ADGRB3: variants seen among roughly 807,000 people sequenced by gnomAD.
ADGRB3 encodes adhesion G protein-coupled receptor B3.
ADGRB3 carries 37 observed loss-of-function variants against 193.4 expected under a neutral mutation model. The ratio of observed to expected loss-of-function variants is 0.19; its 90% CI spans 0.15 to 0.25. ADGRB3 has a LOEUF of 0.25. Among genes scored for constraint, ADGRB3 ranks in the 10% least tolerant of loss-of-function variants. The pLI, the probability that ADGRB3 is intolerant of heterozygous loss-of-function variation, is 1.00. For synonymous variants in ADGRB3, 690 were observed against 644.2 expected (o/e 1.07, Z -1.08); for missense variants, 1,637 against 1,852.9 (o/e 0.88, Z 2.14).
intron 29 of ADGRB3, among the ~76,000 whole-genome samples, chr6:69,362,188 A>T (rs1769468347): frequency 6.6e-6 from 1 of 151,932 alleles, no homozygotes; most frequent in South Asian, 2.1e-4. Flanking sequence ...TTTTGTTTTC[A>T]TAAGGCCACC....
chr6:68,769,447 C>A (rs538309519), intron 3 of ADGRB3, among the ~76,000 whole-genome samples: 1 of 152,216 alleles, frequency 6.6e-6, no homozygotes, highest in South Asian at 2.1e-4. Context: ...AACAGAAAAC[C>A]AAACACCGCT....
At chr6:69,300,227 A>T (rs534026301) in intron 20 of ADGRB3, among the ~76,000 whole-genome samples, 9 of 152,050 alleles carry the variant, frequency 5.9e-5, no homozygotes, top group Middle Eastern at 3.4e-3. Flanking sequence ...CTATATGATC[A>T]TCTCAATAGA....
chr6:68,718,459 G>C (rs1466805843), intron 3 of ADGRB3, among the ~76,000 whole-genome samples: 1 of 151,728 alleles, frequency 6.6e-6, no homozygotes, highest in Non-Finnish European at 1.5e-5. Flanking sequence ...ATATGTTCTA[G>C]TGCCTCTGTC....
At chr6:68,768,795 G>T (rs1283428571) in intron 3 of ADGRB3, among the ~76,000 whole-genome samples, 1 of 151,512 alleles carries the variant, frequency 6.6e-6, no homozygotes, top group Non-Finnish European at 1.5e-5. Flanking sequence ...CTATCCATCT[G>T]ACAAAGGGCT....
chr6:69,072,917 AGAG>A (rs1455127253), intron 16 of ADGRB3, among the ~76,000 whole-genome samples: 3 of 152,226 alleles, frequency 2.0e-5, no homozygotes, highest in Non-Finnish European at 4.4e-5. Flanking sequence ...CTTATAAGAT[AGAG>A]AAGAAACCAA....
chr6:68,906,969 G>A (rs1369574990), intron 3 of ADGRB3, among the ~76,000 whole-genome samples: 2 of 151,582 alleles, frequency 1.3e-5, no homozygotes, highest in Non-Finnish European at 3.0e-5. Context: ...TTTTTATCCT[G>A]CCACTTAACT....
rs545635389 is a variant in ADGRB3, at chr6:69,210,279, G to C, written c.2481-23011G>C. Among the ~76,000 whole-genome samples the C allele has an allele frequency of 4.0e-5, 6 of 150,652 alleles. 1 individual carries two copies. The South Asian group carries it at 1.3e-3, about 32-fold the overall frequency. ...TTGAGTTCCAAAACTGAAGAACTTG[G>C]AGTCTGATGTTCAAGGGCAGGGAGC... On this transcript the variant is annotated intron_variant, in intron 17 of 31. Coordinates refer to ENST00000370598, the MANE Select transcript of ADGRB3 (RefSeq NM_001704.3).
At chr6:69,121,141 G>A (rs906111902) in intron 17 of ADGRB3, among the ~76,000 whole-genome samples, 3 of 152,000 alleles carry the variant, frequency 2.0e-5, no homozygotes, top group Non-Finnish European at 4.4e-5. Context: ...TTCCTAGGCA[G>A]AGGTCCCTGC....
intron 10 of ADGRB3, among the ~76,000 whole-genome samples, chr6:68,978,399 G>C (rs1032004001): frequency 1.3e-5 from 2 of 151,294 alleles, no homozygotes; most frequent in African/African-American, 4.8e-5. Context: ...ATATATTTTG[G>C]CATATGAATT....
chr6:68,951,423 T>A (rs1767914902), intron 6 of ADGRB3, among the ~76,000 whole-genome samples: 1 of 152,106 alleles, frequency 6.6e-6, no homozygotes, highest in African/African-American at 2.4e-5. Context: ...ACACCTCTAG[T>A]GAAACGCTCT....
chr6:68,822,022 T>A (rs184253373), intron 3 of ADGRB3, among the ~76,000 whole-genome samples: 17 of 152,044 alleles, frequency 1.1e-4, no homozygotes, highest in South Asian at 2.1e-4. Flanking sequence ...TAAATTGTCC[T>A]AAGTTATACA....
chr6:69,169,711 A>G (rs1277553393), intron 17 of ADGRB3, among the ~76,000 whole-genome samples: 4 of 152,096 alleles, frequency 2.6e-5, no homozygotes, highest in African/African-American at 4.8e-5. Context: ...CTTCTGAGGA[A>G]TAACTAAAGA....
chr6:68,927,643 A>G (rs1767218140), intron 3 of ADGRB3, among the ~76,000 whole-genome samples: 1 of 152,120 alleles, frequency 6.6e-6, no homozygotes. Context: ...TGGCAGAAGA[A>G]ACACACTTGG....
chr6:69,282,828 TTAAG>T (rs768858459), intron 20 of ADGRB3, among the ~76,000 whole-genome samples: 16 of 152,196 alleles, frequency 1.1e-4, no homozygotes, highest in Non-Finnish European at 2.2e-4. Flanking sequence ...ATTTCTGCCT[TTAAG>T]TAGCTTAAAA....
intron 31 of ADGRB3, among the ~76,000 whole-genome samples, chr6:69,384,375 G>C (rs1770016991): frequency 6.6e-6 from 1 of 151,990 alleles, no homozygotes; most frequent in Admixed American, 6.6e-5. Flanking sequence ...TTTTTAGCTA[G>C]CATGCAAGTG....
chr6:69,091,020 C>T (rs1390403346), intron 17 of ADGRB3, among the ~76,000 whole-genome samples: 1 of 152,074 alleles, frequency 6.6e-6, no homozygotes, highest in East Asian at 1.9e-4. Flanking sequence ...ATACATGCAG[C>T]CAATAATCAT....
chr6:69,359,341 ATTAT>A (rs1336427890), intron 28 of ADGRB3, among the ~76,000 whole-genome samples: 1 of 151,572 alleles, frequency 6.6e-6, no homozygotes, highest in Non-Finnish European at 1.5e-5. Flanking sequence ...TTATTGATCT[ATTAT>A]ATTAAGACTT....
At chr6:69,181,244 C>A (rs1167275022) in intron 17 of ADGRB3, among the ~76,000 whole-genome samples, 1 of 151,786 alleles carries the variant, frequency 6.6e-6, no homozygotes, top group East Asian at 1.9e-4. Flanking sequence ...TATGCACTAT[C>A]TTTCTATTTC....
chr6:69,376,909 G>A (rs1311824371), intron 30 of ADGRB3, among the ~76,000 whole-genome samples: 1 of 151,814 alleles, frequency 6.6e-6, no homozygotes, highest in Non-Finnish European at 1.5e-5. Context: ...ATTGACAGTG[G>A]CAAAATAAAA....
Sources: gnomAD v4.1 joint callset for allele counts (sites outside exome capture counted in the v4.1 genomes callset) on GRCh38, gnomAD v4.1.1 for gene constraint, MANE v1.5 for transcripts, NCBI Gene and HGNC (gene_info 2026-07-23, HGNC 2026-07-21) for gene names.